The following SYT1 variants were observed in gnomAD, a reference collection of about 807,000 sequenced individuals.
The protein encoded by SYT1 is synaptotagmin 1.
A neutral mutation model predicts 44.8 loss-of-function variants in SYT1; 8 were observed. The ratio of observed to expected loss-of-function variants is 0.18; its 90% CI spans 0.10 to 0.32. The LOEUF is 0.32. Among genes scored for constraint, SYT1 ranks in the 10% least tolerant of loss-of-function variants. The probability of loss-of-function intolerance (pLI) is 1.00; values close to 1 mark genes in which losing one functional copy is unlikely to be tolerated. For synonymous variants in SYT1, 154 were observed against 188.8 expected, an observed-to-expected ratio of 0.82 and a Z score of 1.51; for missense variants, 286 against 509.3, an observed-to-expected ratio of 0.56 and a Z score of 4.22.
chr12:79,147,036 T>C (rs1394710169), intron 3 of SYT1, among the ~76,000 whole-genome samples: 1 of 152,152 alleles, frequency 6.6e-6, no homozygotes, highest in African/African-American at 2.4e-5. Flanking sequence ...AGAAGGGGTT[T>C]CACCATATTG....
intron 3 of SYT1, among the ~76,000 whole-genome samples, chr12:79,124,502 C>A (rs1377624224): frequency 6.6e-6 from 1 of 151,982 alleles, no homozygotes; most frequent in East Asian, 1.9e-4. Context: ...AAAAAGCGTG[C>A]CCAATAAATA....
intron 1 of SYT1, among the ~76,000 whole-genome samples, chr12:78,965,025 T>C (rs535729603): frequency 9.8e-4 from 149 of 152,152 alleles, no homozygotes; most frequent in Non-Finnish European, 2.8e-4. Flanking sequence ...CTGAGGAAAG[T>C]GATACATTTT....
chr12:79,085,851 A>T (rs551767891), intron 3 of SYT1, among the ~76,000 whole-genome samples: 48 of 152,210 alleles, frequency 3.2e-4, no homozygotes, highest in African/African-American at 1.1e-3. Context: ...ACTCTCCCCA[A>T]ATCCTCAGAG....
At chr12:79,092,904 A>G (rs1472777003) in intron 3 of SYT1, among the ~76,000 whole-genome samples, 3 of 151,770 alleles carry the variant, frequency 2.0e-5, no homozygotes, top group African/African-American at 4.8e-5. Flanking sequence ...ATTGACAAGG[A>G]AATGTGTTGT....
intron 3 of SYT1, among the ~76,000 whole-genome samples, chr12:79,152,699 T>G (rs2138267424): frequency 6.6e-6 from 1 of 152,128 alleles, no homozygotes; most frequent in East Asian, 1.9e-4. Flanking sequence ...CTTGGAATAT[T>G]AATGGTTTAG....
intron 4 of SYT1, among the ~76,000 whole-genome samples, chr12:79,230,443 CAA>C (rs1387017445): frequency 2.0e-5 from 3 of 151,806 alleles, no homozygotes; most frequent in African/African-American, 7.3e-5. Context: ...TTATAGTTGA[CAA>C]ATTTTATTAA....
chr12:79,416,343 C>T (rs908166804), intron 9 of SYT1, among the ~76,000 whole-genome samples: 15 of 152,090 alleles, frequency 9.9e-5, no homozygotes, highest in African/African-American at 3.4e-4. Flanking sequence ...CAAGACCAGA[C>T]GGCAAAAACA....
At chr12:79,125,097 T>C (rs569349789) in intron 3 of SYT1, among the ~76,000 whole-genome samples, 40 of 152,300 alleles carry the variant, frequency 2.6e-4, no homozygotes, top group Non-Finnish European at 2.9e-5. Context: ...CCTTGCGTCT[T>C]TTTATTTCTC....
chr12:79,410,360 A>C (rs1442662034), intron 9 of SYT1, among the ~76,000 whole-genome samples: 1 of 152,010 alleles, frequency 6.6e-6, no homozygotes, highest in Non-Finnish European at 1.5e-5. Context: ...CCATTCACAG[A>C]ATCAGGGGTG....
At chr12:79,270,824 A>G (rs1453962391) in intron 4 of SYT1, among the ~76,000 whole-genome samples, 1 of 152,196 alleles carries the variant, frequency 6.6e-6, no homozygotes, top group Non-Finnish European at 1.5e-5. Context: ...CTCTACTTCT[A>G]CTTGAGCTTA....
chr12:79,073,363 CAGGAGGAGATAG>C (rs1876416465), intron 3 of SYT1, among the ~76,000 whole-genome samples: 2 of 152,106 alleles, frequency 1.3e-5, no homozygotes, highest in South Asian at 4.1e-4. Flanking sequence ...ACCATCTTAA[CAGGAGGAGATAG>C]CAAATAAAGG....
intron 3 of SYT1, among the ~76,000 whole-genome samples, chr12:79,098,237 C>T (rs1878258892): frequency 6.6e-6 from 1 of 152,042 alleles, no homozygotes; most frequent in East Asian, 1.9e-4. Context: ...GACACTAAAG[C>T]CATCACTTCT....
rs143402317 is a variant in SYT1, at chr12:79,267,875, C to T, written c.167-17912C>T. On this transcript the variant is annotated intron_variant, in intron 4 of 10. Coordinates refer to ENST00000261205, the MANE Select transcript of SYT1 (RefSeq NM_005639.3). ...ACCCATCATTTTGCATGTCAAATGT[C>T]AGACATTCCAATACTGTGAAGATAT... Among the ~76,000 whole-genome samples the T allele has an allele frequency of 4.1e-3, 629 of 152,338 alleles. 3 individuals carry two copies. Among genetic ancestry groups the T allele is most frequent in the African/African-American group, 0.014 (593 of 41,578 alleles).
chr12:79,218,517 C>T (rs1874953160), intron 4 of SYT1, among the ~76,000 whole-genome samples: 1 of 152,112 alleles, frequency 6.6e-6, no homozygotes, highest in African/African-American at 2.4e-5. Flanking sequence ...CAACATCTCC[C>T]CAATTGCCAC....
At chr12:79,257,989 G>A (rs1877624263) in intron 4 of SYT1, among the ~76,000 whole-genome samples, 1 of 152,020 alleles carries the variant, frequency 6.6e-6, no homozygotes, top group Admixed American at 6.6e-5. Flanking sequence ...CTGATGCTTA[G>A]CATTTTATTT....
chr12:79,105,070 A>T (rs1465520148), intron 3 of SYT1, among the ~76,000 whole-genome samples: 1 of 152,232 alleles, frequency 6.6e-6, no homozygotes, highest in Non-Finnish European at 1.5e-5. Flanking sequence ...CAGAAAGAAC[A>T]GCTAGAGCCA....
chr12:79,080,575 CA>C (rs369708071), intron 3 of SYT1, among the ~76,000 whole-genome samples: 3,613 of 150,366 alleles, frequency 0.024, 73 homozygotes, highest in Middle Eastern at 0.075. Flanking sequence ...ATCTTTAAGA[CA>C]AAAAAAAATC....
intron 2 of SYT1, among the ~76,000 whole-genome samples, chr12:79,039,796 C>T (rs1873409286): frequency 7.3e-6 from 1 of 136,722 alleles, no homozygotes; most frequent in Non-Finnish European, 1.6e-5. Flanking sequence ...CAACAGTCCC[C>T]AGAGTGTGAT....
chr12:79,359,517 A>G (rs1328923364), intron 9 of SYT1, among the ~76,000 whole-genome samples: 1 of 152,194 alleles, frequency 6.6e-6, no homozygotes, highest in Non-Finnish European at 1.5e-5. Flanking sequence ...AGTCTCCAAA[A>G]GAAAAGGGAA....
Sources: gnomAD v4.1 joint callset for allele counts (sites outside exome capture counted in the v4.1 genomes callset) on GRCh38, gnomAD v4.1.1 for gene constraint, MANE v1.5 for transcripts, NCBI Gene and HGNC (gene_info 2026-07-23, HGNC 2026-07-21) for gene names.